Variants in ATL2 observed in about 807,000 individuals in gnomAD.
ATL2 encodes the protein atlastin GTPase 2.
Under a neutral mutation model 73.9 loss-of-function variants are expected in ATL2, and 31 were observed. That is an observed-to-expected ratio of 0.42 (90% CI 0.32 to 0.57). The LOEUF (loss-of-function observed/expected upper bound fraction) is 0.57, where lower values mean the gene tolerates loss of function less well. Among genes scored for constraint, ATL2 ranks in the 20% least tolerant of loss-of-function variants. The pLI, the probability that ATL2 is intolerant of heterozygous loss-of-function variation, is 0.14. For missense variants in ATL2, 738 were observed against 702.6 expected, an observed-to-expected ratio of 1.05 and a Z score of -0.57; for synonymous variants, 291 against 237.5, an observed-to-expected ratio of 1.23 and a Z score of -2.07.
In ATL2 at chr2:38,309,429, C is replaced by G. The variant is rs773649649; in HGVS notation, c.1021G>C (p.Glu341Gln). The G allele has an allele frequency of 2.0e-5, 32 of 1,612,466 alleles. No individual in the cohort carries two copies. The highest frequency in any genetic ancestry group is 2.6e-5 in the Non-Finnish European group (31 of 1,179,676). ...LLAPENLVEK[E>Q]ISGSKVTCRD... The stretch of plus-strand genomic sequence containing the variant: ...CAAGTGACTTTAGATCCACTTATCT[C>G]TTTTTCTACCAAATTTTCAGGGGCA... The change falls in exon 9 of 13, where the codon GAG becomes CAG. Residue 341 changes from glutamate (E) to glutamine (Q), a missense_variant. By Grantham distance (29) the Glu-to-Gln change is conservative. Coordinates refer to ENST00000378954, the MANE Select transcript of ATL2 (RefSeq NM_001135673.4).
At chr2:38,321,895 T>C (rs1668342585) in intron 2 of ATL2, among the ~76,000 whole-genome samples, 1 of 152,014 alleles carries the variant, frequency 6.6e-6, no homozygotes, top group African/African-American at 2.4e-5. Flanking sequence ...GTATTTTTTG[T>C]AGAGAGGGGG....
intron 1 of ATL2, among the ~76,000 whole-genome samples, chr2:38,371,982 AG>A (rs1671715698): frequency 6.6e-6 from 1 of 152,188 alleles, no homozygotes; most frequent in South Asian, 2.1e-4. Flanking sequence ...CAAAAATCAT[AG>A]GAAGTTTGCA....
At chr2:38,296,890 T>A (rs1666924392) in intron 12 of ATL2, among the ~76,000 whole-genome samples, 1 of 152,224 alleles carries the variant, frequency 6.6e-6, no homozygotes, top group Non-Finnish European at 1.5e-5. Context: ...GTTTAAGAGA[T>A]GAATATTTCT....
At chr2:38,310,223 G>A in intron 8 of ATL2, 86 bp downstream of exon 8, 1 of 1,444,682 alleles carries the variant, frequency 6.9e-7, no homozygotes, top group Non-Finnish European at 9.6e-7. Flanking sequence ...TATAAGACAG[G>A]ACATTTAAGG....
chr2:38,337,331 C>T (rs966560873), intron 2 of ATL2, among the ~76,000 whole-genome samples: 1 of 150,610 alleles, frequency 6.6e-6, no homozygotes, highest in Non-Finnish European at 1.5e-5. Context: ...ATTAAAAATA[C>T]AAAAATTAGC....
intron 2 of ATL2, among the ~76,000 whole-genome samples, chr2:38,327,319 G>C (rs531127854): frequency 6.6e-6 from 1 of 151,826 alleles, no homozygotes; most frequent in Admixed American, 6.6e-5. Flanking sequence ...AAAGAGAGGA[G>C]GAATTAGGAA....
intron 1 of ATL2, among the ~76,000 whole-genome samples, chr2:38,365,697 G>T (rs1305949322): frequency 6.6e-6 from 1 of 152,048 alleles, no homozygotes; most frequent in Non-Finnish European, 1.5e-5. Flanking sequence ...TACTTGGGAG[G>T]CTGAGGCAGG....
intron 1 of ATL2, chr2:38,376,443 T>C (rs1671972259): frequency 6.4e-6 from 2 of 314,190 alleles, no homozygotes; most frequent in East Asian, 1.0e-4. Flanking sequence ...AAGTGACTCG[T>C]AAACGGCTCA....
intron 2 of ATL2, among the ~76,000 whole-genome samples, chr2:38,327,333 G>A (rs1229924034): frequency 6.6e-6 from 1 of 151,896 alleles, no homozygotes; most frequent in East Asian, 1.9e-4. Context: ...TTAGGAATAC[G>A]CTAAGGTAAC....
At chr2:38,353,127 T>C (rs1670454306) in intron 1 of ATL2, among the ~76,000 whole-genome samples, 1 of 152,236 alleles carries the variant, frequency 6.6e-6, no homozygotes, top group Admixed American at 6.5e-5. Context: ...GTACCAATTC[T>C]GCCATGACCC....
chr2:38,301,966 G>A (rs555203249), intron 9 of ATL2, among the ~76,000 whole-genome samples: 3 of 152,188 alleles, frequency 2.0e-5, no homozygotes, highest in African/African-American at 7.2e-5. Context: ...GAGTAAAGAG[G>A]ACTTTGTCTT....
chr2:38,376,246 C>CT, intron 1 of ATL2: 1 of 1,443,530 alleles, frequency 6.9e-7, no homozygotes, highest in East Asian at 2.5e-5. Context: ...CGCTAAACTC[C>CT]TATAAATAGG....
chr2:38,365,956 AG>A (rs72301624), intron 1 of ATL2, among the ~76,000 whole-genome samples: 32,339 of 151,526 alleles, frequency 0.21, 3,448 homozygotes, highest in African/African-American at 0.23. Flanking sequence ...TCAAAAAAAA[AG>A]AGGTAAGTAT....
chr2:38,295,765 G>A lies in ATL2; in HGVS notation c.*229C>T, dbSNP rs2148394586. On this transcript the variant is annotated 3_prime_UTR_variant, in exon 13 of 13. Coordinates refer to ENST00000378954, the MANE Select transcript of ATL2 (RefSeq NM_001135673.4). ...TAAAAGAGTTAAACATGGCACAAAG[G>A]TGCATGATTAACCAATGCTCCTCAG... is the stretch of plus-strand genomic sequence containing the variant. The A allele has an allele frequency of 5.3e-6, 2 of 380,860 alleles. No homozygotes were observed. The highest frequency in any genetic ancestry group is 5.6e-5 in the South Asian group (1 of 17,780). The allele number at this position is 380,860 out of a possible 1,614,324, so 23.6% of individuals were successfully genotyped here.
chr2:38,348,015 T>A (rs368484940), intron 1 of ATL2, among the ~76,000 whole-genome samples: 1 of 151,474 alleles, frequency 6.6e-6, no homozygotes, highest in Non-Finnish European at 1.5e-5. Context: ...GATCCACCCA[T>A]CTCAGCCTCC....
At position 38,298,489 on chromosome 2, in the gene ATL2, A is replaced by T; in HGVS notation, c.1287T>A (p.Phe429Leu). Residue 429 changes from phenylalanine (F) to leucine (L), a missense_variant, in exon 12 of 13, where the codon TTT becomes TTA. Coordinates refer to ENST00000378954, the MANE Select transcript of ATL2 (RefSeq NM_001135673.4). ...LDLKEVAIKQ[F>L]RSVKKMGGDE... ...CTCCACCCATCTTTTTTACTGAACG[A>T]AATTGTTTTATCGCCACTTCCTTGA... 3.7e-6 allele frequency: 6 copies of T among 1,614,158 alleles called. No individual in the cohort carries two copies. Among genetic ancestry groups the T allele is most frequent in the South Asian group, 2.2e-5 (2 of 91,080 alleles).
intron 1 of ATL2, among the ~76,000 whole-genome samples, chr2:38,343,883 T>A (rs1214133499): frequency 6.6e-6 from 1 of 152,216 alleles, no homozygotes; most frequent in Non-Finnish European, 1.5e-5. Context: ...GAGGTTTCCC[T>A]GCACAAGCTC....
In ATL2 at chr2:38,318,586, G is replaced by C. The variant is rs78090073; in HGVS notation, c.552C>G (p.Ile184Met). The C allele has an allele frequency of 3.0e-5, 49 of 1,612,764 alleles. No individual in the cohort carries two copies. The East Asian group carries it at 1.0e-3, about 34-fold the overall frequency. ...TQGAFDSQST[I>M]KDCATVFALS... ...GAGCAAACACCGTTGCACAGTCTTT[G>C]ATAGTTGACTGGCTATCAAAGGCAC... The change falls in exon 4 of 13, where the codon ATC (isoleucine) becomes ATG (methionine). Residue 184 changes from isoleucine (I) to methionine (M), a missense_variant. Physicochemically the swap from Ile to Met is conservative, Grantham distance 10. Transcript: ENST00000378954.
Position 38,377,097 on chromosome 2 carries a change from T to C in ATL2, c.118+46A>G, listed in dbSNP as rs1672022350. 3 of 1,566,054 alleles carry C rather than the reference T, an allele frequency of 1.9e-6. No individual in the cohort carries two copies. In the East Asian group the frequency reaches 7.1e-5, roughly 37 times the overall value. On this transcript the variant is annotated intron_variant, in intron 1 of 12. Coordinates refer to ENST00000378954, the MANE Select transcript of ATL2 (RefSeq NM_001135673.4). The stretch of plus-strand genomic sequence containing the variant: ...TGCCCGCGAGCCCGAGCAGCGAGCG[T>C]CTCTCCCCATCAGGGCCCCGCGGCC...
Sources: gnomAD v4.1 joint callset for allele counts (sites outside exome capture counted in the v4.1 genomes callset) on GRCh38, gnomAD v4.1.1 for gene constraint, MANE v1.5 for transcripts, NCBI Gene and HGNC (gene_info 2026-07-23, HGNC 2026-07-21) for gene names.